BRWD1: variants seen among roughly 807,000 people sequenced by gnomAD.
The protein encoded by BRWD1 is bromodomain and WD repeat domain containing 1.
In BRWD1, 82 loss-of-function variants were observed where a neutral mutation model predicts 251.2. The observed-to-expected ratio is 0.33, with a 90% CI of 0.27 to 0.39. The LOEUF (loss-of-function observed/expected upper bound fraction) is 0.39, where lower values mean the gene tolerates loss of function less well. Ranked by LOEUF, BRWD1 falls within the 10% of genes least tolerant of loss-of-function variation. BRWD1 has a pLI of 1.00. For missense variants in BRWD1, 2,233 were observed against 2,711.6 expected, an observed-to-expected ratio of 0.82 and a Z score of 3.92; for synonymous variants, 918 against 902.8, an observed-to-expected ratio of 1.02 and a Z score of -0.30.
At chr21:39,276,030 C>A (rs1357893014) in intron 12 of BRWD1, 143 bp downstream of exon 12, 1 of 666,120 alleles carries the variant, frequency 1.5e-6, no homozygotes, top group South Asian at 6.8e-5. Context: ...GAAACTCCAT[C>A]TCAAAAAATA....
intron 4 of BRWD1, among the ~76,000 whole-genome samples, chr21:39,307,573 AC>A (rs2036329656): frequency 6.6e-6 from 1 of 152,050 alleles, no homozygotes; most frequent in Non-Finnish European, 1.5e-5. Flanking sequence ...TGACTTAATT[AC>A]CCAAACTGGG....
At chr21:39,271,386 G>T (rs183842036) in intron 13 of BRWD1, among the ~76,000 whole-genome samples, 2 of 149,856 alleles carry the variant, frequency 1.3e-5, no homozygotes, top group Non-Finnish European at 3.0e-5. Context: ...AATAGAATAC[G>T]TTTTAAGAAA....
intron 29 of BRWD1, among the ~76,000 whole-genome samples, chr21:39,221,605 A>C (rs1273997831): frequency 6.6e-6 from 1 of 152,232 alleles, no homozygotes; most frequent in Non-Finnish European, 1.5e-5. Context: ...ATGATATCCC[A>C]AACTAATGGA....
In BRWD1 at chr21:39,190,778, G is replaced by A; in HGVS notation, c.*5481C>T. The A allele has an allele frequency of 2.0e-6, 2 of 985,312 alleles. No homozygotes were observed. The highest frequency in any genetic ancestry group is 2.4e-6 in the Non-Finnish European group (2 of 829,908). 61.0% of individuals were successfully genotyped at this position (985,312 alleles called of 1,614,324 possible). ...TTTTAAACAGTTCCGTTTTCTAGGG[G>A]GAGCTGGTAACACTGCAGTATGGCA... On this transcript the variant is annotated 3_prime_UTR_variant, in exon 41 of 41. Coordinates refer to ENST00000342449, the MANE Select transcript of BRWD1 (RefSeq NM_033656.4).
At chr21:39,229,269 A>G (rs763279598) in intron 26 of BRWD1, 43 bp downstream of exon 26, 9 of 1,511,976 alleles carry the variant, frequency 6.0e-6, no homozygotes, top group Non-Finnish European at 7.3e-6. Flanking sequence ...GCAAAATGGC[A>G]AATTTAAATT....
chr21:39,280,708 A>C (rs568882893), intron 8 of BRWD1, among the ~76,000 whole-genome samples: 160 of 152,318 alleles, frequency 1.1e-3, no homozygotes, highest in African/African-American at 3.5e-3. Context: ...GTATTATCTC[A>C]AATCTGTTGG....
chr21:39,304,132 A>G (rs984872864), intron 4 of BRWD1, among the ~76,000 whole-genome samples: 7 of 107,692 alleles, frequency 6.5e-5, no homozygotes, highest in Non-Finnish European at 1.1e-4. Flanking sequence ...CCAGAGTGAA[A>G]CTCTTTCTCA....
Position 39,185,919 on chromosome 21 carries a change from C to G in BRWD1, c.*10340G>C, listed in dbSNP as rs568316040. ...TCATTTAATCTGGCAATTTTAATTTCAACAAATACATATTAACAACAAATT... is the reference window on the plus strand; with the variant it reads ...TCATTTAATCTGGCAATTTTAATTTGAACAAATACATATTAACAACAAATT... On this transcript the variant is annotated 3_prime_UTR_variant, in exon 41 of 41. Transcript: ENST00000342449. 1 of 152,108 alleles carries G rather than the reference C, an allele frequency of 6.6e-6. No homozygotes were observed. Among genetic ancestry groups the G allele is most frequent in the Non-Finnish European group, 1.5e-5 (1 of 67,972 alleles). 9.4% of individuals were successfully genotyped at this position (152,108 alleles called of 1,614,324 possible). A position where few individuals can be genotyped will look rare whatever the true frequency, so the allele number is the denominator to read the frequency against.
intron 15 of BRWD1, among the ~76,000 whole-genome samples, chr21:39,265,591 C>T (rs970749687): frequency 3.9e-5 from 6 of 152,178 alleles, no homozygotes. Context: ...ACAACCCAAT[C>T]CAAAGTGAAG....
At chr21:39,212,340 C>T (rs1378818420) in intron 34 of BRWD1, among the ~76,000 whole-genome samples, 2 of 151,964 alleles carry the variant, frequency 1.3e-5, no homozygotes, top group East Asian at 3.9e-4. Context: ...CCACTTTGAT[C>T]ACTTCAACAT....
chr21:39,229,487 C>G (rs750129682), intron 25 of BRWD1, 51 bp from the exon 26 acceptor site: 1 of 1,500,942 alleles, frequency 6.7e-7, no homozygotes, highest in East Asian at 2.3e-5. Context: ...TTCCTTAATA[C>G]TATAATTCTC....
rs2031715296 is a variant in BRWD1 at position 39,194,591 on chromosome 21, TC to T, written c.*1667del. The stretch of plus-strand genomic sequence containing the variant: ...AGTTGATAATGTCCAAAAACATCCT[TC>T]CCCATGCATCAGAGTAGAAAGAAAA... On this transcript the variant is annotated 3_prime_UTR_variant, in exon 41 of 41. Transcript: ENST00000342449. 6.7e-7 allele frequency: 1 copy of T among 1,482,966 alleles called. No homozygotes were observed. Among genetic ancestry groups the T allele is most frequent in the Admixed American group, 2.3e-5 (1 of 43,992 alleles). The allele number at this position is 1,482,966 out of a possible 1,614,324, so 91.9% of individuals were successfully genotyped here.
At position 39,218,664 on chromosome 21, in the gene BRWD1, T is replaced by C. The variant is rs1287216711; in HGVS notation, c.3383-4A>G. On this transcript the variant is annotated splice_region_variant and splice_polypyrimidine_tract_variant and intron_variant, in intron 29 of 40. Transcript: ENST00000342449. ...CCTAATTCTTCAGGTGGATCAACTA[T>C]GAATACCATAAAAAACAATGAGAGG... The C allele has an allele frequency of 1.9e-6, 3 of 1,579,462 alleles. No individual in the cohort carries two copies. The highest frequency in any genetic ancestry group is 2.6e-6 in the Non-Finnish European group (3 of 1,169,852).
Position 39,189,538 on chromosome 21 carries a change from A to G in BRWD1, c.*6721T>C, listed in dbSNP as rs946437137. The stretch of plus-strand genomic sequence containing the variant: ...AAATACTTAAGGAAATTTGAACTTC[A>G]GTAACTATGCCCAAGGGAGGGAGAA... On this transcript the variant is annotated 3_prime_UTR_variant, in exon 41 of 41. Transcript: ENST00000342449. The G allele has an allele frequency of 6.1e-6, 6 of 983,534 alleles. No individual in the cohort carries two copies. The highest frequency in any genetic ancestry group is 6.2e-5 in the Admixed American group (1 of 16,234). The allele number at this position is 983,534 out of a possible 1,614,324, so 60.9% of individuals were successfully genotyped here.
chr21:39,258,101 C>A (rs12627205), intron 18 of BRWD1, among the ~76,000 whole-genome samples: 1 of 151,918 alleles, frequency 6.6e-6, no homozygotes, highest in Non-Finnish European at 1.5e-5. Context: ...TGAAAACTCA[C>A]TAAGTTTTCA....
intron 23 of BRWD1, among the ~76,000 whole-genome samples, chr21:39,233,399 CAA>C (rs1256155753): frequency 6.6e-6 from 1 of 152,078 alleles, no homozygotes; most frequent in Non-Finnish European, 1.5e-5. Flanking sequence ...TAGATAAATA[CAA>C]AGACTTAACA....
chr21:39,312,983 G>T (rs2036557475), intron 3 of BRWD1, 83 bp from the exon 4 acceptor site: 1 of 983,266 alleles, frequency 1.0e-6, no homozygotes, highest in Admixed American at 5.1e-5. Flanking sequence ...GCGGGCGGCG[G>T]GCGGCGGGCG....
At chr21:39,254,996 T>C (rs118008941) in intron 19 of BRWD1, among the ~76,000 whole-genome samples, 4,756 of 152,304 alleles carry the variant, frequency 0.031, 97 homozygotes, top group Middle Eastern at 0.068. Context: ...TTTATATATT[T>C]TAAAATTTCT....
chr21:39,233,979 C>G (rs12710453), intron 23 of BRWD1, among the ~76,000 whole-genome samples: 2 of 152,070 alleles, frequency 1.3e-5, no homozygotes, highest in African/African-American at 4.8e-5. Flanking sequence ...GAGATTGCCC[C>G]ACTGCGCTCC....
Sources: allele counts gnomAD v4.1 joint callset (sites outside exome capture counted in the v4.1 genomes callset), GRCh38; gene constraint gnomAD v4.1.1; transcripts MANE v1.5; gene names NCBI Gene and HGNC (gene_info 2026-07-23, HGNC 2026-07-21).